Variants in PDXDC1 observed in about 807,000 individuals in gnomAD.
PDXDC1 encodes pyridoxal-dependent decarboxylase domain-containing protein 1.
Under a neutral mutation model 100.1 loss-of-function variants are expected in PDXDC1, and 42 were observed. That is an observed-to-expected ratio of 0.42 (90% CI 0.33 to 0.54). PDXDC1 has a LOEUF of 0.54. PDXDC1 is among the 20% of genes least tolerant of loss of function. PDXDC1 has a pLI of 0.10. For synonymous variants in PDXDC1, 260 were observed against 371.7 expected, an observed-to-expected ratio of 0.70 and a Z score of 3.46; for missense variants, 636 against 979.2, an observed-to-expected ratio of 0.65 and a Z score of 4.68.
downstream of PDXDC1, chr16:15,041,477 A>G (rs1422679085): frequency 2.7e-6 from 2 of 731,828 alleles, no homozygotes; most frequent in African/African-American, 3.4e-5. Flanking sequence ...GGGAAGGGGA[A>G]GGCCATCCCA....
intron 16 of PDXDC1, chr16:15,068,323 T>C: frequency 1.3e-6 from 2 of 1,545,922 alleles, no homozygotes; most frequent in South Asian, 1.2e-5. Context: ...TACAAATAAG[T>C]GAAAAGTGTA....
intron 16 of PDXDC1, chr16:15,061,957 C>T: frequency 6.6e-7 from 1 of 1,525,578 alleles, no homozygotes; most frequent in East Asian, 2.3e-5. Context: ...GACTGAAAAG[C>T]TTTCAACAAT....
At position 15,001,800 on chromosome 16, in the gene PDXDC1, C is replaced by G. The variant is rs773760235; in HGVS notation, c.186C>G (p.Leu62=). ...GTGGGCAAGATATGGTGAGCATCCT[C>G]CAGTTAGTTCAGAATCTCATGCATG... The part of the protein sequence containing the change: ...QGSGQDMVSI[L]QLVQNLMHGD... Residue 62 remains leucine (L), a synonymous_variant, in exon 4 of 23, where the codon CTC becomes CTG. Transcript: ENST00000396410. The G allele has an allele frequency of 2.0e-5, 32 of 1,611,212 alleles. No individual in the cohort carries two copies. The highest frequency in any genetic ancestry group is 2.5e-5 in the Non-Finnish European group (30 of 1,179,820).
In PDXDC1 at chr16:15,130,825, G is replaced by A. The variant is rs775503956; in HGVS notation, c.1400-8054G>A. ...GAACGCGCAGGTCACACGCCTGCTG[G>A]GAAGCTCAACCACCCGGGGGACACC... is the stretch of plus-strand genomic sequence containing the variant. On this transcript the variant is annotated intron_variant, in intron 16 of 16. Coordinates refer to the PDXDC1 transcript ENST00000535621. The A allele has an allele frequency of 7.4e-6, 6 of 808,956 alleles. 1 individual carries two copies. The highest frequency in any genetic ancestry group is 2.5e-5 in the East Asian group (1 of 39,466). The allele number at this position is 808,956 out of a possible 1,614,324, so 50.1% of individuals were successfully genotyped here. A position where few individuals can be genotyped will look rare whatever the true frequency, so the allele number is the denominator to read the frequency against.
chr16:15,040,985 A>C, downstream of PDXDC1: 1 of 913,446 alleles, frequency 1.1e-6, no homozygotes. Context: ...TCCTGACAGC[A>C]GTGGGGTCAT....
At chr16:15,012,851 T>TAAA (rs34263288) in intron 8 of PDXDC1, among the ~76,000 whole-genome samples, 2 of 146,484 alleles carry the variant, frequency 1.4e-5, no homozygotes, top group Admixed American at 6.8e-5. Flanking sequence ...GATCCTTTCT[T>TAAA]AAAAAAAAAA....
chr16:15,073,170 AAAC>A (rs1298095385), intron 16 of PDXDC1: 4 of 1,436,352 alleles, frequency 2.8e-6, no homozygotes, highest in African/African-American at 2.9e-5. Context: ...CACCATTAAA[AAAC>A]AACATTATCC....
At chr16:15,140,354 G>T (rs966697142), downstream of PDXDC1, among the ~76,000 whole-genome samples, 8 of 145,814 alleles carry the variant, frequency 5.5e-5, no homozygotes, top group Non-Finnish European at 1.0e-4. Context: ...TTAGGCAGGA[G>T]AATCACTTGA....
chr16:15,078,260 T>C (rs924942372), intron 16 of PDXDC1, among the ~76,000 whole-genome samples: 1 of 152,062 alleles, frequency 6.6e-6, no homozygotes, highest in Non-Finnish European at 1.5e-5. Context: ...TCTTCCTGCT[T>C]TCCTATAGCA....
chr16:15,100,024 C>A (rs571169210), intron 16 of PDXDC1, among the ~76,000 whole-genome samples: 82 of 152,310 alleles, frequency 5.4e-4, no homozygotes, highest in African/African-American at 2.0e-3. Context: ...AAGAATTTAT[C>A]ATTGGCCAAT....
chr16:14,974,791 G>C (rs2151100958), upstream of PDXDC1: 1 of 1,535,492 alleles, frequency 6.5e-7, no homozygotes, highest in Non-Finnish European at 8.7e-7. Context: ...TGGAAGCCTG[G>C]GCCCGGAAGT....
chr16:15,071,333 A>G, intron 16 of PDXDC1: 1 of 1,334,596 alleles, frequency 7.5e-7, no homozygotes, highest in Non-Finnish European at 1.0e-6. Context: ...TTTTTACTTC[A>G]CCAATGTAGG....
At chr16:15,056,530 C>T (rs2044530636) in intron 16 of PDXDC1, among the ~76,000 whole-genome samples, 1 of 152,104 alleles carries the variant, frequency 6.6e-6, no homozygotes, top group Non-Finnish European at 1.5e-5. Flanking sequence ...AATCCCAGCA[C>T]TTTGGGGGGC....
intron 1 of PDXDC1, among the ~76,000 whole-genome samples, chr16:14,995,240 C>T (rs1449242619): frequency 6.6e-6 from 1 of 152,278 alleles, no homozygotes; most frequent in East Asian, 1.9e-4. Context: ...GGGAATGCTT[C>T]CAGTTTTTGC....
At chr16:15,034,061 C>T (rs1183666915) in intron 19 of PDXDC1, 6 of 587,068 alleles carry the variant, frequency 1.0e-5, no homozygotes, top group Non-Finnish European at 1.8e-5. Context: ...TCTCTGTTTT[C>T]AAGAATACGT....
intron 16 of PDXDC1, chr16:15,109,056 C>G (rs1407500523): frequency 7.8e-6 from 1 of 128,060 alleles, no homozygotes; most frequent in East Asian, 2.1e-4. Context: ...GACCATCCCC[C>G]AGAAGTAGAC....
At chr16:15,005,865 A>C (rs1400440198) in intron 5 of PDXDC1, among the ~76,000 whole-genome samples, 2 of 152,256 alleles carry the variant, frequency 1.3e-5, no homozygotes, top group Non-Finnish European at 2.9e-5. Context: ...ACACCTCGCA[A>C]TTAGTAGAGA....
At chr16:15,095,531 C>T (rs952487471) in intron 16 of PDXDC1, among the ~76,000 whole-genome samples, 3 of 152,004 alleles carry the variant, frequency 2.0e-5, no homozygotes, top group East Asian at 1.9e-4. Flanking sequence ...GACCCTGTCT[C>T]GAAATAAATA....
At chr16:15,127,896 A>T in intron 16 of PDXDC1, 2 of 1,520,138 alleles carry the variant, frequency 1.3e-6, no homozygotes, top group Non-Finnish European at 1.8e-6. Context: ...GGGCTGCGTG[A>T]CCTAGAAGGC....
Sources: gnomAD v4.1 joint callset for allele counts (sites outside exome capture counted in the v4.1 genomes callset) on GRCh38, gnomAD v4.1.1 for gene constraint, MANE v1.5 for transcripts, NCBI Gene and HGNC (gene_info 2026-07-23, HGNC 2026-07-21) for gene names.